SLX4: variants seen among roughly 807,000 people sequenced by gnomAD.
The protein encoded by SLX4 is SLX4 structure-specific endonuclease subunit, also known as structure-specific endonuclease subunit SLX4.
Under a neutral mutation model 146.2 loss-of-function variants are expected in SLX4, and 112 were observed. The ratio of observed to expected loss-of-function variants is 0.77; its 90% CI spans 0.66 to 0.90. The LOEUF (loss-of-function observed/expected upper bound fraction) is 0.90, where lower values mean the gene tolerates loss of function less well. Among genes scored for constraint, SLX4 ranks in the 40% least tolerant of loss-of-function variants. The probability of loss-of-function intolerance (pLI) is 0.00; values close to 1 mark genes in which losing one functional copy is unlikely to be tolerated. For missense variants in SLX4, 2,563 were observed against 2,392.7 expected, an observed-to-expected ratio of 1.07 and a Z score of -1.49; for synonymous variants, 1,061 against 997.7, an observed-to-expected ratio of 1.06 and a Z score of -1.20.
chr16:3,588,305 T>C (rs2151120333), intron 12 of SLX4, among the ~76,000 whole-genome samples: 1 of 152,338 alleles, frequency 6.6e-6, no homozygotes, highest in Non-Finnish European at 1.5e-5. Flanking sequence ...TCTAGACATT[T>C]CATATCCATG....
chr16:3,598,517 C>T (rs3751840), intron 5 of SLX4, among the ~76,000 whole-genome samples: 7 of 152,332 alleles, frequency 4.6e-5, no homozygotes, highest in East Asian at 1.9e-4. Context: ...CCAGCCGCCC[C>T]GGGACTCTGC....
chr16:3,585,641 T>A (rs1272510081), intron 12 of SLX4, among the ~76,000 whole-genome samples: 3 of 145,044 alleles, frequency 2.1e-5, no homozygotes, highest in Admixed American at 6.9e-5. Flanking sequence ...CCAGAGAAGA[T>A]CTACAAATGG....
Position 3,582,016 on chromosome 16 carries a change from C to T in SLX4, c.*326G>A, listed in dbSNP as rs1248156943. On this transcript the variant is annotated 3_prime_UTR_variant, in exon 15 of 15. Coordinates refer to ENST00000294008, the MANE Select transcript of SLX4 (RefSeq NM_032444.4). ...CGAGATTGTGCCACTGCACTCCAGCCTAGGTGACACAGCACGACTGTCTCA... is the reference window on the plus strand; with the variant it reads ...CGAGATTGTGCCACTGCACTCCAGCTTAGGTGACACAGCACGACTGTCTCA... 7.6e-6 allele frequency: 3 copies of T among 394,478 alleles called. No homozygotes were observed. Among genetic ancestry groups the T allele is most frequent in the African/African-American group, 2.0e-5 (1 of 50,114 alleles). The allele number at this position is 394,478 out of a possible 1,614,324, so 24.4% of individuals were successfully genotyped here.
intron 5 of SLX4, among the ~76,000 whole-genome samples, chr16:3,599,676 TC>T (rs1256684749): frequency 6.6e-6 from 1 of 152,218 alleles, no homozygotes; most frequent in Non-Finnish European, 1.5e-5. Flanking sequence ...AACCTTGGCC[TC>T]CCAGGCTCAA....
chr16:3,598,444 T>G (rs1326487089), intron 5 of SLX4, among the ~76,000 whole-genome samples: 1 of 152,164 alleles, frequency 6.6e-6, no homozygotes, highest in Non-Finnish European at 1.5e-5. Context: ...TCCACGGCAG[T>G]GCCTCTGTCC....
Position 3,590,281 on chromosome 16 carries a change from T to C in SLX4, c.3357A>G (p.Glu1119=). The change falls in exon 12 of 15, where the codon GAA becomes GAG. Residue 1119 remains glutamate (E), a synonymous_variant. Transcript: ENST00000294008. The surrounding 1 kb of genome is among the most constrained non-coding windows in gnomAD (Gnocchi z 4.8). ...GGGTTAGGTCAATAGACGGAGATTTTTCTGGGAACATCAGGACCCCCTTAT... is the reference window on the plus strand; with the variant it reads ...GGGTTAGGTCAATAGACGGAGATTTCTCTGGGAACATCAGGACCCCCTTAT... ...CRNKGVLMFP[E]KSPSIDLTQS... 1 of 1,614,108 alleles carries C rather than the reference T, an allele frequency of 6.2e-7. No homozygotes were observed. Among genetic ancestry groups the C allele is most frequent in the Non-Finnish European group, 8.5e-7 (1 of 1,180,008 alleles).
chr16:3,602,002 A>C (rs1398393680), intron 4 of SLX4, 116 bp downstream of exon 4: 1 of 1,249,812 alleles, frequency 8.0e-7, no homozygotes, highest in Non-Finnish European at 1.2e-6. Context: ...GTAGGTTGAC[A>C]ACAAAGCTGA....
intron 5 of SLX4, 73 bp from the exon 6 acceptor site, chr16:3,598,072 T>G (rs1270566992): frequency 6.4e-7 from 1 of 1,563,510 alleles, no homozygotes; most frequent in African/African-American, 1.4e-5. Context: ...CACACTGGTC[T>G]GGAGAGGGCT....
chr16:3,589,096 C>T lies in SLX4; in HGVS notation c.4542G>A (p.Trp1514Ter), dbSNP rs1198880078. Reference protein sequence around the residue: ...SFLNSALWDVWDGEEQRPPET... With the variant: ...SFLNSALWDV ...CTGGAGGCCTCTGCTCTTCCCCGTCCCAAACGTCCCACAGAGCCGAATTCA... is the reference window on the plus strand; with the variant it reads ...CTGGAGGCCTCTGCTCTTCCCCGTCTCAAACGTCCCACAGAGCCGAATTCA... The change falls in exon 12 of 15, where the codon TGG becomes TGA. Residue 1514 changes from tryptophan (W) to a stop codon, truncating the protein, a stop_gained. Coordinates refer to ENST00000294008, the MANE Select transcript of SLX4 (RefSeq NM_032444.4). LOFTEE classifies it high-confidence loss of function. This position sits in a 1 kb window ranked among gnomAD's most constrained non-coding sequence, Gnocchi z 6.2. 1.9e-6 allele frequency: 3 copies of T among 1,614,154 alleles called. No individual in the cohort carries two copies. Among genetic ancestry groups the T allele is most frequent in the Non-Finnish European group, 2.5e-6 (3 of 1,180,046 alleles).
chr16:3,591,110 T>G lies in SLX4; in HGVS notation c.2528A>C (p.Gln843Pro), dbSNP rs762300440. ...CATTTCTGCTTCATTCACGTTTTCTTGATCTTCTTCGTGGTCCTTGGATTT... is the reference window on the plus strand; with the variant it reads ...CATTTCTGCTTCATTCACGTTTTCTGGATCTTCTTCGTGGTCCTTGGATTT... ...LLKSKDHEED[Q>P]ENVNEAEMEE... The change falls in exon 12 of 15, where the codon CAA becomes CCA. Residue 843 changes from glutamine to proline, a missense_variant. Transcript: ENST00000294008. 9.9e-6 allele frequency: 16 copies of G among 1,613,874 alleles called. No individual in the cohort carries two copies. Among genetic ancestry groups the G allele is most frequent in the African/African-American group, 1.3e-5 (1 of 74,942 alleles).
chr16:3,589,376 AT>A lies in SLX4; in HGVS notation c.4261del (p.Ile1421PhefsTer29). 6.3e-7 allele frequency: 1 copy of A among 1,590,726 alleles called. No individual in the cohort carries two copies. Among genetic ancestry groups the A allele is most frequent in the South Asian group, 1.1e-5 (1 of 89,562 alleles). ...RSPPLDSDPP[I>X]PIDDCCWHME... ...GTGCCAGCAGCAGTCGTCAATTGGA[AT>A]TGGGGGGTCACTGTCCAGTGGGGGG... On this transcript the variant is annotated frameshift_variant, in exon 12 of 15. Transcript: ENST00000294008. LOFTEE classifies it high-confidence loss of function. This position sits in a 1 kb window ranked among gnomAD's most constrained non-coding sequence, Gnocchi z 6.2.
chr16:3,597,868 A>G lies in SLX4; in HGVS notation c.1295T>C (p.Met432Thr), dbSNP rs1318574585. The G allele has an allele frequency of 9.3e-6, 15 of 1,614,070 alleles. No individual in the cohort carries two copies. The highest frequency in any genetic ancestry group is 1.2e-5 in the Non-Finnish European group (14 of 1,180,008). ...CGCTGGTACAGCCGCACCCGGCTCC[A>G]TCTCCGACCGGGACAGAGCCATGGC... Reference protein sequence around the residue: ...LVAMALSRSEMEPGAAVPALR... With the variant: ...LVAMALSRSETEPGAAVPALR... The change falls in exon 6 of 15, where the codon ATG (methionine) becomes ACG (threonine). Residue 432 changes from methionine to threonine, a missense_variant. Transcript: ENST00000294008. This position sits in a 1 kb window ranked among gnomAD's most constrained non-coding sequence, Gnocchi z 4.4.
rs112516455 is a variant in SLX4, at chr16:3,601,356, A to C, written c.951-165T>G. 16 of 699,912 alleles carry C rather than the reference A, an allele frequency of 2.3e-5. No homozygotes were observed. In the African/African-American group the frequency reaches 2.6e-4, roughly 12 times the overall value. The allele number at this position is 699,912 out of a possible 1,614,324, so 43.4% of individuals were successfully genotyped here. On this transcript the variant is annotated intron_variant, in intron 4 of 14. Coordinates refer to ENST00000294008, the MANE Select transcript of SLX4 (RefSeq NM_032444.4). Reference sequence around the variant, plus strand: ...GTCTCCCGGCAGTCAGCCCCTAGACACTACACTTAGGTATCTGTCAGCAAA... The same window carrying C: ...GTCTCCCGGCAGTCAGCCCCTAGACCCTACACTTAGGTATCTGTCAGCAAA...
In SLX4 at chr16:3,584,598, A is replaced by G. The variant is rs77425493; in HGVS notation, c.4739+171T>C. Among the ~76,000 whole-genome samples, 3,291 of 152,262 alleles carry G rather than the reference A, an allele frequency of 0.022. 118 individuals are homozygous for G. Among genetic ancestry groups the G allele is most frequent in the African/African-American group, 0.069 (2,847 of 41,538 alleles). On this transcript the variant is annotated intron_variant, in intron 13 of 14. Transcript: ENST00000294008. ...GCTCACCCCGGCACCCAGCAGTCAC[A>G]CATGCTCCCTAAGGAGCTGACTGCA...
At chr16:3,591,826 C>T (rs893769779) in intron 11 of SLX4, among the ~76,000 whole-genome samples, 1 of 152,102 alleles carries the variant, frequency 6.6e-6, no homozygotes, top group African/African-American at 2.4e-5. Context: ...CCACTGCCAT[C>T]CAGCCTGGGC....
intron 13 of SLX4, among the ~76,000 whole-genome samples, chr16:3,584,311 C>A (rs745526517): frequency 6.6e-6 from 1 of 152,068 alleles, no homozygotes; most frequent in African/African-American, 2.4e-5. Flanking sequence ...GTCCCAGCTA[C>A]TCGGGAGGCT....
At chr16:3,592,385 C>G (rs988203118) in intron 11 of SLX4, among the ~76,000 whole-genome samples, 1 of 152,218 alleles carries the variant, frequency 6.6e-6, no homozygotes, top group African/African-American at 2.4e-5. Context: ...AATCACTGAG[C>G]AGCAGTGTTG....
rs1001371476 is a variant in SLX4, at chr16:3,608,731, CTT to C, written c.232_233del (p.Lys78GlyfsTer41). ...KEVSGERKTQKAASNGTQIRS... is the reference protein window; with the variant it reads ...KEVSGERKTQXAASNGTQIRS... ...TTATCTGAGTGCCGTTTGAGGCAGC[CTT>C]TTGTGTCTTCCTTTCTCCTGACACT... On this transcript the variant is annotated frameshift_variant, in exon 2 of 15. Transcript: ENST00000294008. LOFTEE classifies it high-confidence loss of function. 1 of 1,614,100 alleles carries C rather than the reference CTT, an allele frequency of 6.2e-7. No homozygotes were observed. Among genetic ancestry groups the C allele is most frequent in the African/African-American group, 1.3e-5 (1 of 74,920 alleles).
Position 3,594,354 on chromosome 16 carries a change from G to A in SLX4, c.2160+99C>T. 2.7e-6 allele frequency: 4 copies of A among 1,507,556 alleles called. No individual in the cohort carries two copies. In the African/African-American group the frequency reaches 5.5e-5, roughly 21 times the overall value. 93.4% of individuals were successfully genotyped at this position (1,507,556 alleles called of 1,614,324 possible). A position where few individuals can be genotyped will look rare whatever the true frequency, so the allele number is the denominator to read the frequency against. On this transcript the variant is annotated intron_variant, in intron 10 of 14. Coordinates refer to ENST00000294008, the MANE Select transcript of SLX4 (RefSeq NM_032444.4). ...AGGAAGTGAGGGAGAGTGGGGGGGT[G>A]GAAAGGGCACCTGAGACATGGGAAG...
Sources: gnomAD v4.1 joint callset for allele counts (sites outside exome capture counted in the v4.1 genomes callset) on GRCh38, gnomAD v4.1.1 for gene constraint, Gnocchi (gnomAD v3.1) non-coding constraint, MANE v1.5 for transcripts, NCBI Gene and HGNC (gene_info 2026-07-23, HGNC 2026-07-21) for gene names.